ULK4: variants seen among roughly 807,000 people sequenced by gnomAD.
ULK4 encodes unc-51 like kinase 4.
A neutral mutation model predicts 160.6 loss-of-function variants in ULK4; 133 were observed. The ratio of observed to expected loss-of-function variants is 0.83; its 90% CI spans 0.72 to 0.96. ULK4 has a LOEUF of 0.96. Among genes scored for constraint, ULK4 ranks in the 40% least tolerant of loss-of-function variants. ULK4 has a pLI of 0.00. For synonymous variants in ULK4, 534 were observed against 539.8 expected (o/e 0.99, Z 0.15); for missense variants, 1,580 against 1,499.5 (o/e 1.05, Z -0.89).
chr3:41,285,141 G>C (rs1372378625), intron 35 of ULK4, among the ~76,000 whole-genome samples: 1 of 152,166 alleles, frequency 6.6e-6, no homozygotes. Context: ...CTGCTGGTGG[G>C]AATGTAAACT....
At chr3:41,395,651 G>A (rs545024779) in intron 35 of ULK4, among the ~76,000 whole-genome samples, 1 of 152,146 alleles carries the variant, frequency 6.6e-6, no homozygotes, top group Non-Finnish European at 1.5e-5. Flanking sequence ...TTGTTTAATA[G>A]GCACAGAGTT....
chr3:41,390,905 C>T (rs2081942383), intron 35 of ULK4, among the ~76,000 whole-genome samples: 1 of 151,958 alleles, frequency 6.6e-6, no homozygotes, highest in Non-Finnish European at 1.5e-5. Flanking sequence ...GAGCTGAGTT[C>T]ATTTTGTATC....
intron 32 of ULK4, among the ~76,000 whole-genome samples, chr3:41,536,144 C>T (rs927292407): frequency 3.3e-5 from 5 of 152,130 alleles, no homozygotes; most frequent in South Asian, 2.1e-4. Flanking sequence ...CAGCAAAATC[C>T]CTCAGATTGT....
chr3:41,810,663 T>A (rs2040796096), intron 19 of ULK4, among the ~76,000 whole-genome samples: 1 of 152,160 alleles, frequency 6.6e-6, no homozygotes, highest in African/African-American at 2.4e-5. Flanking sequence ...TTAAAAAATT[T>A]AAGACAAAAA....
At chr3:41,538,294 A>G (rs931570428) in intron 32 of ULK4, among the ~76,000 whole-genome samples, 13 of 152,152 alleles carry the variant, frequency 8.5e-5, no homozygotes, top group Non-Finnish European at 1.9e-4. Context: ...GGACTATATC[A>G]CAAAAAGTTT....
At chr3:41,368,892 T>G (rs1302419838) in intron 35 of ULK4, among the ~76,000 whole-genome samples, 1 of 152,198 alleles carries the variant, frequency 6.6e-6, no homozygotes, top group Non-Finnish European at 1.5e-5. Flanking sequence ...AAATACTGCT[T>G]AAAAAATTAC....
chr3:41,799,487 G>C (rs2040394292), intron 20 of ULK4, among the ~76,000 whole-genome samples: 1 of 152,108 alleles, frequency 6.6e-6, no homozygotes, highest in Non-Finnish European at 1.5e-5. Context: ...TGCTAACAGG[G>C]AAAAGTCAGG....
intron 35 of ULK4, among the ~76,000 whole-genome samples, chr3:41,352,730 C>T (rs896417412): frequency 2.0e-5 from 3 of 152,124 alleles, no homozygotes; most frequent in Non-Finnish European, 4.4e-5. Context: ...TAACTTCTTC[C>T]CTTGGACTAC....
At chr3:41,265,938 G>A (rs1356309444) in intron 35 of ULK4, among the ~76,000 whole-genome samples, 1 of 152,192 alleles carries the variant, frequency 6.6e-6, no homozygotes, top group Non-Finnish European at 1.5e-5. Context: ...AAACTCCCAG[G>A]AGGCATCTGC....
At chr3:41,889,464 C>A (rs1023806231) in intron 16 of ULK4, among the ~76,000 whole-genome samples, 13 of 151,882 alleles carry the variant, frequency 8.6e-5, no homozygotes, top group African/African-American at 2.9e-4. Flanking sequence ...AAGATAAAGT[C>A]AAGGAAGAGC....
chr3:41,649,971 C>A (rs2034674840), intron 30 of ULK4, among the ~76,000 whole-genome samples: 1 of 152,202 alleles, frequency 6.6e-6, no homozygotes, highest in Non-Finnish European at 1.5e-5. Context: ...CAGCCAGACT[C>A]AGACAGACAT....
chr3:41,931,854 A>G lies in ULK4; in HGVS notation c.531T>C (p.Ser177=), dbSNP rs770793737. 1 of 1,613,988 alleles carries G rather than the reference A, an allele frequency of 6.2e-7. No homozygotes were observed. The highest frequency in any genetic ancestry group is 2.2e-5 in the East Asian group (1 of 44,874). Residue 177 remains serine (S), a synonymous_variant, in exon 5 of 37, where the codon AGT becomes AGC. Coordinates refer to ENST00000301831, the MANE Select transcript of ULK4 (RefSeq NM_017886.4). ...GENVLKKSMK[S]RVKGSPVYTA... Reference sequence around the variant, plus strand: ...TCCAGGTCCACATACCTTTGACTCTACTTTTCATGCTTTTCTTCAGGACAT... The same window carrying G: ...TCCAGGTCCACATACCTTTGACTCTGCTTTTCATGCTTTTCTTCAGGACAT...
At chr3:41,732,888 G>A (rs2037880756) in intron 22 of ULK4, among the ~76,000 whole-genome samples, 1 of 151,990 alleles carries the variant, frequency 6.6e-6, no homozygotes, top group South Asian at 2.1e-4. Context: ...GCTCATATGT[G>A]GAATCTCAAA....
intron 30 of ULK4, among the ~76,000 whole-genome samples, chr3:41,657,599 C>T (rs2034986072): frequency 6.6e-6 from 1 of 151,750 alleles, no homozygotes; most frequent in Admixed American, 6.6e-5. Flanking sequence ...GTGGGTGGAC[C>T]ATGAGGTTAG....
chr3:41,854,310 A>G (rs9865780), intron 17 of ULK4: 47,880 of 152,132 alleles, frequency 0.31, 11,087 homozygotes, highest in African/African-American at 0.66. Context: ...AATGAAGGGG[A>G]CACCAGCATC....
In ULK4 at chr3:41,835,871, G is replaced by T. The variant is rs754217002; in HGVS notation, c.1757C>A (p.Ala586Asp). The T allele has an allele frequency of 3.1e-6, 5 of 1,603,882 alleles. No individual in the cohort carries two copies. Among genetic ancestry groups the T allele is most frequent in the Non-Finnish European group, 4.3e-6 (5 of 1,173,536 alleles). ...PTLGELIYLV[A>D]TQEEKKKNPR... is the part of the protein sequence containing the mutation. ...TTAATCAGACAGTCTCACCTGGGTG[G>T]CTACAAGATAGATCAGCTCCCCAAG... The change falls in exon 18 of 37, where the codon GCC becomes GAC. Residue 586 changes from alanine to aspartate, a missense_variant. Coordinates refer to ENST00000301831, the MANE Select transcript of ULK4 (RefSeq NM_017886.4).
intron 17 of ULK4, among the ~76,000 whole-genome samples, chr3:41,858,449 G>A (rs2042421291): frequency 1.3e-5 from 2 of 151,210 alleles, no homozygotes; most frequent in Non-Finnish European, 2.9e-5. Context: ...ACCATGCCCA[G>A]CCTCCCAAAG....
chr3:41,420,340 T>A (rs538123493), intron 34 of ULK4, among the ~76,000 whole-genome samples: 33 of 152,122 alleles, frequency 2.2e-4, no homozygotes, highest in African/African-American at 7.9e-4. Flanking sequence ...TCATATTTTA[T>A]GTTTTCAAAT....
chr3:41,789,519 TG>T, intron 21 of ULK4, 141 bp downstream of exon 21: 1 of 640,432 alleles, frequency 1.6e-6, no homozygotes. Flanking sequence ...GAACATTCTG[TG>T]GTACAAAGGT....
Sources: allele counts gnomAD v4.1 joint callset (sites outside exome capture counted in the v4.1 genomes callset), GRCh38; gene constraint gnomAD v4.1.1; transcripts MANE v1.5; gene names NCBI Gene and HGNC (gene_info 2026-07-23, HGNC 2026-07-21).